CDH6: variants seen among roughly 807,000 people sequenced by gnomAD.
CDH6 encodes the protein cadherin 6.
CDH6 carries 31 observed loss-of-function variants against 78.0 expected under a neutral mutation model. That is an observed-to-expected ratio of 0.40 (90% confidence interval 0.30 to 0.54). CDH6 has a LOEUF of 0.54. Among genes scored for constraint, CDH6 ranks in the 20% least tolerant of loss-of-function variants. CDH6 has a pLI of 0.56. For missense variants in CDH6, 724 were observed against 975.9 expected, an observed-to-expected ratio of 0.74 and a Z score of 3.44; for synonymous variants, 376 against 368.8, an observed-to-expected ratio of 1.02 and a Z score of -0.23.
intron 1 of CDH6, among the ~76,000 whole-genome samples, chr5:31,266,996 T>C (rs1372676487): frequency 6.6e-6 from 1 of 152,180 alleles, no homozygotes; most frequent in Non-Finnish European, 1.5e-5. Context: ...AATATGCAAA[T>C]AGAATCAGAA....
intron 4 of CDH6, among the ~76,000 whole-genome samples, chr5:31,297,800 T>A (rs1044635410): frequency 1.3e-5 from 2 of 152,166 alleles, no homozygotes; most frequent in Admixed American, 6.6e-5. Context: ...TGTGATTTAT[T>A]TGGGTGAATA....
At chr5:31,308,458 C>A (rs1738054891) in intron 7 of CDH6, among the ~76,000 whole-genome samples, 1 of 147,398 alleles carries the variant, frequency 6.8e-6, no homozygotes, top group African/African-American at 2.5e-5. Flanking sequence ...AGCTACCTAG[C>A]AGAAGGATCT....
chr5:31,302,791 AG>A (rs1579900233), intron 6 of CDH6, among the ~76,000 whole-genome samples: 218 of 60,270 alleles, frequency 3.6e-3, no homozygotes, highest in African/African-American at 8.7e-3. Context: ...AGAGAGAGAG[AG>A]AGAGAGAGAA....
intron 2 of CDH6, among the ~76,000 whole-genome samples, chr5:31,273,420 C>T (rs375727788): frequency 1.8e-4 from 28 of 152,274 alleles, no homozygotes; most frequent in African/African-American, 6.5e-4. Context: ...CTAAGTGCTT[C>T]AAGTGGGTTA....
At chr5:31,302,958 G>GAGA (rs1561066578) in intron 6 of CDH6, among the ~76,000 whole-genome samples, 3 of 106,152 alleles carry the variant, frequency 2.8e-5, no homozygotes, top group East Asian at 4.8e-4. Context: ...AAAGAAAGAA[G>GAGA]GAAAGAAAAG....
At chr5:31,235,591 C>A (rs1015084039) in intron 1 of CDH6, among the ~76,000 whole-genome samples, 3 of 152,164 alleles carry the variant, frequency 2.0e-5, no homozygotes, top group African/African-American at 7.2e-5. Context: ...GAATGTTATG[C>A]ATGACTTACT....
rs1561061022 is a variant in CDH6 at position 31,292,828 on chromosome 5, T to TATATATATGTGTGC, written c.229-1126_229-1125insGTGTGCATATATAT. 9.6e-4 allele frequency among the ~76,000 whole-genome samples: 21 copies of TATATATATGTGTGC among 21,808 alleles called. No homozygotes were observed. The South Asian group carries it at 0.032, about 34-fold the overall frequency. 14.3% of individuals were successfully genotyped at this position (21,808 alleles called of 152,430 possible). ...GCATATATATATATGTGTGCATATA[T>TATATATATGTGTGC]ATATATATATATATATATGTGTGCA... On this transcript the variant is annotated intron_variant, in intron 2 of 11. Transcript: ENST00000265071.
chr5:31,275,988 A>G (rs1021687059), intron 2 of CDH6, among the ~76,000 whole-genome samples: 2 of 152,208 alleles, frequency 1.3e-5, no homozygotes, highest in African/African-American at 4.8e-5. Flanking sequence ...TTAGGAGATT[A>G]TGTTTAGATG....
intron 1 of CDH6, among the ~76,000 whole-genome samples, chr5:31,225,451 A>C (rs568812381): frequency 6.6e-6 from 1 of 152,254 alleles, no homozygotes; most frequent in Admixed American, 6.5e-5. Flanking sequence ...AGACTGGGTA[A>C]TTTATAAAGA....
chr5:31,300,751 G>A (rs1737744386), intron 5 of CDH6, among the ~76,000 whole-genome samples: 1 of 152,182 alleles, frequency 6.6e-6, no homozygotes, highest in African/African-American at 2.4e-5. Context: ...ACTTGTTAAT[G>A]AGCAATATGC....
chr5:31,302,852 G>GAA (rs1230295039), intron 6 of CDH6, among the ~76,000 whole-genome samples: 14 of 125,214 alleles, frequency 1.1e-4, no homozygotes, highest in East Asian at 4.8e-4. Flanking sequence ...AAGAAAGAAA[G>GAA]AGAAAGAAAG....
At chr5:31,224,743 C>T (rs1275039529) in intron 1 of CDH6, among the ~76,000 whole-genome samples, 1 of 152,084 alleles carries the variant, frequency 6.6e-6, no homozygotes, top group East Asian at 1.9e-4. Flanking sequence ...AGGATTTTGC[C>T]TTGTTGCCCA....
chr5:31,298,963 G>C (rs184275883), intron 4 of CDH6, among the ~76,000 whole-genome samples: 3 of 152,124 alleles, frequency 2.0e-5, no homozygotes, highest in African/African-American at 7.2e-5. Context: ...CAGAGCATTC[G>C]TTATGGTAGG....
intron 1 of CDH6, among the ~76,000 whole-genome samples, chr5:31,244,593 T>A (rs200782911): frequency 6.6e-6 from 1 of 151,912 alleles, no homozygotes; most frequent in East Asian, 1.9e-4. Context: ...GCCAGGAGCA[T>A]TCTGCTTCAC....
chr5:31,292,064 C>A (rs987695849), intron 2 of CDH6, among the ~76,000 whole-genome samples: 1 of 152,186 alleles, frequency 6.6e-6, no homozygotes, highest in Non-Finnish European at 1.5e-5. Flanking sequence ...CCTCTTCCTG[C>A]GCTCAAGAGT....
intron 1 of CDH6, among the ~76,000 whole-genome samples, chr5:31,217,751 C>T (rs1740906932): frequency 6.6e-6 from 1 of 152,138 alleles, no homozygotes; most frequent in Non-Finnish European, 1.5e-5. Context: ...CAATATAAAG[C>T]CTCTAGGAGT....
chr5:31,299,037 C>G (rs1310554430), intron 4 of CDH6, among the ~76,000 whole-genome samples: 1 of 152,142 alleles, frequency 6.6e-6, no homozygotes, highest in African/African-American at 2.4e-5. Flanking sequence ...AAGTATGTGG[C>G]TTTCCTAACA....
chr5:31,313,642 G>A (rs952822108), intron 8 of CDH6, among the ~76,000 whole-genome samples, 188 bp downstream of exon 8: 60 of 152,266 alleles, frequency 3.9e-4, no homozygotes, highest in African/African-American at 1.1e-3. Context: ...AAATGGAGAG[G>A]CAACCATGGA....
At chr5:31,199,482 A>ATATATACACACACATGTGTATC (rs1740271015) in intron 1 of CDH6, among the ~76,000 whole-genome samples, 1 of 130,438 alleles carries the variant, frequency 7.7e-6, no homozygotes, top group African/African-American at 2.8e-5. Flanking sequence ...ACATATGTGT[A>ATATATACACACACATGTGTATC]TATATGTACA....
Sources: gnomAD v4.1 joint callset for allele counts (sites outside exome capture counted in the v4.1 genomes callset) on GRCh38, gnomAD v4.1.1 for gene constraint, MANE v1.5 for transcripts, NCBI Gene and HGNC (gene_info 2026-07-23, HGNC 2026-07-21) for gene names.